Variants in GALNT17 observed in about 807,000 individuals in gnomAD.
The protein encoded by GALNT17 is UDP-GalNAc:polypeptide N-acetylgalactosaminyltransferase-like 3.
A neutral mutation model predicts 63.7 loss-of-function variants in GALNT17; 29 were observed. The ratio of observed to expected loss-of-function variants is 0.46; its 90% CI spans 0.34 to 0.62. The LOEUF (loss-of-function observed/expected upper bound fraction) is 0.62, where lower values mean the gene tolerates loss of function less well. GALNT17 is among the 20% of genes least tolerant of loss of function. GALNT17 has a pLI of 0.01. For missense variants in GALNT17, 603 were observed against 799.6 expected, an observed-to-expected ratio of 0.75 and a Z score of 2.97; for synonymous variants, 305 against 318.3, an observed-to-expected ratio of 0.96 and a Z score of 0.45.
chr7:71,592,574 TA>T (rs1427993041), intron 6 of GALNT17, among the ~76,000 whole-genome samples: 1 of 113,872 alleles, frequency 8.8e-6, no homozygotes. Context: ...TAAAATAAAA[TA>T]AAATAAAATA....
In GALNT17 at chr7:71,525,763, G is replaced by A. The variant is rs143695375; in HGVS notation, c.963-45522G>A. On this transcript the variant is annotated intron_variant, in intron 5 of 10. Coordinates refer to ENST00000333538, the MANE Select transcript of GALNT17 (RefSeq NM_022479.3). ...TTTTTTTTTTTTTTTTTTTTGAGATGGTGTCTTGCTCTATCGCCCAGGCTG... is the reference window on the plus strand; with the variant it reads ...TTTTTTTTTTTTTTTTTTTTGAGATAGTGTCTTGCTCTATCGCCCAGGCTG... 3.4e-5 allele frequency among the ~76,000 whole-genome samples: 4 copies of A among 116,226 alleles called. No individual in the cohort carries two copies. In the East Asian group the frequency reaches 1.2e-3, roughly 35 times the overall value. The allele number at this position is 116,226 out of a possible 152,430, so 76.2% of individuals were successfully genotyped here.
intron 1 of GALNT17, among the ~76,000 whole-genome samples, chr7:71,209,020 A>G (rs940726219): frequency 5.3e-5 from 8 of 152,232 alleles, no homozygotes; most frequent in Non-Finnish European, 1.0e-4. Flanking sequence ...CTCTGTCATA[A>G]CTACGCAACT....
Position 71,391,827 on chromosome 7 carries a change from G to A in GALNT17, c.589+3426G>A, listed in dbSNP as rs551307838. On this transcript the variant is annotated intron_variant, in intron 3 of 10. Transcript: ENST00000333538. The stretch of plus-strand genomic sequence containing the variant: ...AAAAAGAAGGTTTTATTTGTCTCAC[G>A]GTTCTGCAGAATGTACAAGAACCAT... Among the ~76,000 whole-genome samples, 44 of 152,144 alleles carry A rather than the reference G, an allele frequency of 2.9e-4. No homozygotes were observed. The South Asian group carries it at 5.6e-3, about 19-fold the overall frequency.
At chr7:71,403,460 G>C (rs924793541) in intron 3 of GALNT17, among the ~76,000 whole-genome samples, 3 of 152,182 alleles carry the variant, frequency 2.0e-5, no homozygotes, top group Admixed American at 2.0e-4. Flanking sequence ...CATCTGCTCT[G>C]ATGTTATATA....
intron 1 of GALNT17, among the ~76,000 whole-genome samples, chr7:71,192,223 T>G (rs6956316): frequency 0.5 from 76,190 of 151,750 alleles, 22,600 homozygotes; most frequent in African/African-American, 0.83. Context: ...GCAGCTGATT[T>G]GTTGGTGCCC....
chr7:71,364,965 C>T (rs1458377854), intron 2 of GALNT17, among the ~76,000 whole-genome samples: 1 of 146,782 alleles, frequency 6.8e-6, no homozygotes, highest in East Asian at 2.0e-4. Flanking sequence ...GAGTCTCACT[C>T]TGTCCCCCAG....
intron 1 of GALNT17, among the ~76,000 whole-genome samples, chr7:71,201,876 A>G (rs891843411): frequency 6.6e-6 from 1 of 151,272 alleles, no homozygotes; most frequent in East Asian, 1.9e-4. Flanking sequence ...CAGGTGATCC[A>G]CCCGCCTCTG....
At chr7:71,701,875 ATATATG>A (rs1791650674) in intron 9 of GALNT17, among the ~76,000 whole-genome samples, 4 of 82,518 alleles carry the variant, frequency 4.8e-5, no homozygotes, top group Non-Finnish European at 1.1e-4. Flanking sequence ...ATATACATAT[ATATATG>A]TATATATATA....
rs1214195779 is a variant in GALNT17, at chr7:71,693,303, C to CATATATATATAT, written c.1500+15998_1500+15999insTATATATATATA. Among the ~76,000 whole-genome samples the CATATATATATAT allele has an allele frequency of 9.0e-5, 11 of 121,984 alleles. 1 individual carries two copies. Among genetic ancestry groups the CATATATATATAT allele is most frequent in the Middle Eastern group, 4.2e-3 (1 of 238 alleles). The allele number at this position is 121,984 out of a possible 152,430, so 80.0% of individuals were successfully genotyped here. On this transcript the variant is annotated intron_variant, in intron 9 of 10. Transcript: ENST00000333538. ...ACACACACACACACACACACACACA[C>CATATATATATAT]ACACACATATATATATATGGAGACA...
intron 6 of GALNT17, among the ~76,000 whole-genome samples, chr7:71,616,702 G>T: frequency 6.7e-5 from 1 of 14,918 alleles, no homozygotes; most frequent in Non-Finnish European, 2.0e-3. Context: ...ATAATATATT[G>T]TGATTGATGT....
chr7:71,647,508 A>G (rs1790697200), intron 6 of GALNT17, among the ~76,000 whole-genome samples: 1 of 151,946 alleles, frequency 6.6e-6, no homozygotes, highest in East Asian at 1.9e-4. Context: ...GATACCCTCC[A>G]TTTTCAAGCC....
At chr7:71,197,326 A>C (rs1789071936) in intron 1 of GALNT17, among the ~76,000 whole-genome samples, 1 of 148,854 alleles carries the variant, frequency 6.7e-6, no homozygotes, top group African/African-American at 2.5e-5. Context: ...CAGCCTCCTG[A>C]GTAGCTGGGA....
At chr7:71,684,111 A>C (rs147529905) in intron 9 of GALNT17, among the ~76,000 whole-genome samples, 140 of 151,842 alleles carry the variant, frequency 9.2e-4, no homozygotes, top group African/African-American at 2.9e-3. Flanking sequence ...AAGGAGACCC[A>C]CAGACCCCCA....
chr7:71,199,442 C>T (rs917081655), intron 1 of GALNT17, among the ~76,000 whole-genome samples: 1 of 152,126 alleles, frequency 6.6e-6, no homozygotes, highest in African/African-American at 2.4e-5. Flanking sequence ...CCTACTCATC[C>T]ATTCATCCAT....
intron 5 of GALNT17, among the ~76,000 whole-genome samples, chr7:71,561,466 G>A (rs7780630): frequency 0.071 from 10,802 of 152,202 alleles, 387 homozygotes; most frequent in South Asian, 0.11. Flanking sequence ...TTTGCACGTG[G>A]GACCTTGGAA....
chr7:71,322,030 C>T (rs1277750753), intron 1 of GALNT17, among the ~76,000 whole-genome samples: 1 of 142,058 alleles, frequency 7.0e-6, no homozygotes, highest in African/African-American at 2.6e-5. Context: ...TGGCTCACTG[C>T]AGCCTCAACC....
At chr7:71,155,011 C>T (rs1788208281) in intron 1 of GALNT17, among the ~76,000 whole-genome samples, 1 of 151,934 alleles carries the variant, frequency 6.6e-6, no homozygotes, top group Non-Finnish European at 1.5e-5. Flanking sequence ...TGATAACAGC[C>T]TGACTATTGC....
intron 3 of GALNT17, among the ~76,000 whole-genome samples, chr7:71,393,663 C>T (rs1367870127): frequency 6.6e-6 from 1 of 152,038 alleles, no homozygotes; most frequent in Non-Finnish European, 1.5e-5. Context: ...AATGGGTGTA[C>T]AAAGCCGGGG....
At chr7:71,305,247 T>C (rs1218664032) in intron 1 of GALNT17, among the ~76,000 whole-genome samples, 2 of 152,202 alleles carry the variant, frequency 1.3e-5, no homozygotes, top group African/African-American at 4.8e-5. Flanking sequence ...GCTAGTTTTT[T>C]GGGATAGTTT....
Sources: gnomAD v4.1 joint callset for allele counts (sites outside exome capture counted in the v4.1 genomes callset) on GRCh38, gnomAD v4.1.1 for gene constraint, MANE v1.5 for transcripts, NCBI Gene and HGNC (gene_info 2026-07-23, HGNC 2026-07-21) for gene names.